Variants in TRIM33 observed in about 807,000 individuals in gnomAD.
TRIM33 encodes tripartite motif containing 33.
Under a neutral mutation model 125.4 loss-of-function variants are expected in TRIM33, and 20 were observed. That is an observed-to-expected ratio of 0.16 (90% CI 0.11 to 0.23). The LOEUF (loss-of-function observed/expected upper bound fraction) is 0.23, where lower values mean the gene tolerates loss of function less well. Among genes scored for constraint, TRIM33 ranks in the 10% least tolerant of loss-of-function variants. TRIM33 has a pLI of 1.00. For synonymous variants in TRIM33, 564 were observed against 513.9 expected (o/e 1.10, Z -1.32); for missense variants, 920 against 1,411.4 (o/e 0.65, Z 5.58).
In TRIM33 at chr1:114,449,130, G is replaced by A. The variant is rs183246344; in HGVS notation, c.923+13974C>T. 1.6e-4 allele frequency among the ~76,000 whole-genome samples: 24 copies of A among 151,836 alleles called. No individual in the cohort carries two copies. In the East Asian group the frequency reaches 1.9e-3, roughly 12 times the overall value. ...GGGTGATGACATGAAATTAAAATCCGGATATTTCAGGGAGTAAAGAGAAAG... is the reference window on the plus strand; with the variant it reads ...GGGTGATGACATGAAATTAAAATCCAGATATTTCAGGGAGTAAAGAGAAAG... On this transcript the variant is annotated intron_variant, in intron 4 of 19. Transcript: ENST00000358465.
intron 5 of TRIM33, among the ~76,000 whole-genome samples, chr1:114,432,649 G>A (rs1440135252): frequency 6.6e-6 from 1 of 152,074 alleles, no homozygotes; most frequent in Non-Finnish European, 1.5e-5. Context: ...AGCCGAGCAT[G>A]GTGGTGGGCG....
At chr1:114,449,220 G>A (rs1225586258) in intron 4 of TRIM33, among the ~76,000 whole-genome samples, 1 of 152,052 alleles carries the variant, frequency 6.6e-6, no homozygotes, top group Non-Finnish European at 1.5e-5. Context: ...TACACGAGAT[G>A]TGAAAGAAAA....
At chr1:114,494,123 AT>A (rs71580626) in intron 1 of TRIM33, among the ~76,000 whole-genome samples, 39,879 of 144,702 alleles carry the variant, frequency 0.28, 5,774 homozygotes, top group African/African-American at 0.38. Flanking sequence ...GCACCCCGCC[AT>A]TTTTTTTTTT....
Position 114,394,097 on chromosome 1 carries a change from A to G in TRIM33, c.*3551T>C. ...CACCTTCAGCAGATCATTAACATAG[A>G]TGGTACAGAAATTAAGAATTCATGG... is the stretch of plus-strand genomic sequence containing the variant. On this transcript the variant is annotated 3_prime_UTR_variant, in exon 20 of 20. Coordinates refer to ENST00000358465, the MANE Select transcript of TRIM33 (RefSeq NM_015906.4). The G allele has an allele frequency of 4.4e-6, 1 of 228,208 alleles. No individual in the cohort carries two copies. The highest frequency in any genetic ancestry group is 8.7e-6 in the Non-Finnish European group (1 of 114,642). 14.1% of individuals were successfully genotyped at this position (228,208 alleles called of 1,614,324 possible). A position where few individuals can be genotyped will look rare whatever the true frequency, so the allele number is the denominator to read the frequency against.
chr1:114,421,748 C>T, intron 10 of TRIM33, 112 bp from the exon 11 acceptor site: 3 of 982,164 alleles, frequency 3.1e-6, no homozygotes, highest in Admixed American at 4.8e-5. Context: ...AAGAAGTGGG[C>T]CCTTTCAAAC....
intron 4 of TRIM33, among the ~76,000 whole-genome samples, chr1:114,443,316 A>G (rs772276830): frequency 6.6e-6 from 1 of 152,134 alleles, no homozygotes; most frequent in African/African-American, 2.4e-5. Flanking sequence ...CTCAAGAGGC[A>G]GAAGTTGCAG....
chr1:114,439,242 G>A (rs868421592), intron 4 of TRIM33, among the ~76,000 whole-genome samples: 2 of 152,104 alleles, frequency 1.3e-5, no homozygotes, highest in African/African-American at 2.4e-5. Context: ...GGGAGGCCGA[G>A]GTGGGCAGAT....
intron 18 of TRIM33, among the ~76,000 whole-genome samples, chr1:114,398,462 T>A (rs1449942042): frequency 2.0e-5 from 3 of 152,186 alleles, no homozygotes; most frequent in Admixed American, 2.0e-4. Context: ...GAAAATAATT[T>A]AACTGCACTG....
intron 1 of TRIM33, among the ~76,000 whole-genome samples, chr1:114,505,624 G>A (rs1238830304): frequency 3.3e-5 from 5 of 152,194 alleles, no homozygotes; most frequent in Non-Finnish European, 5.9e-5. Context: ...CTGGAGTGCA[G>A]TGGCGTGATC....
At chr1:114,505,857 T>C (rs547210717) in intron 1 of TRIM33, among the ~76,000 whole-genome samples, 2 of 152,086 alleles carry the variant, frequency 1.3e-5, no homozygotes, top group African/African-American at 4.8e-5. Flanking sequence ...CATGAGCCAC[T>C]GTGCCCAGTC....
At chr1:114,415,912 ACT>A in intron 11 of TRIM33, among the ~76,000 whole-genome samples, 1 of 149,256 alleles carries the variant, frequency 6.7e-6, no homozygotes, top group Non-Finnish European at 1.5e-5. Flanking sequence ...AGACTGCACC[ACT>A]ACACTCCAGC....
At chr1:114,418,092 C>A (rs58747061) in intron 11 of TRIM33, among the ~76,000 whole-genome samples, 1 of 152,184 alleles carries the variant, frequency 6.6e-6, no homozygotes, top group Non-Finnish European at 1.5e-5. Flanking sequence ...TAAATTGACT[C>A]ACAGTTCTGC....
intron 9 of TRIM33, among the ~76,000 whole-genome samples, chr1:114,425,144 T>C (rs549714940): frequency 1.3e-5 from 2 of 152,274 alleles, no homozygotes; most frequent in South Asian, 2.1e-4. Flanking sequence ...GCAGAAACAG[T>C]CTGGTCCTTT....
chr1:114,465,946 G>A (rs1650271023), intron 1 of TRIM33, among the ~76,000 whole-genome samples: 1 of 151,962 alleles, frequency 6.6e-6, no homozygotes, highest in Non-Finnish European at 1.5e-5. Flanking sequence ...AGGAGGGCGA[G>A]ATAGGAGAAT....
chr1:114,431,474 T>A (rs1454039418), intron 5 of TRIM33, among the ~76,000 whole-genome samples: 1 of 152,238 alleles, frequency 6.6e-6, no homozygotes, highest in African/African-American at 2.4e-5. Flanking sequence ...TTTTTAAGAA[T>A]AGCTTTAGAT....
chr1:114,479,618 G>A (rs942329785), intron 1 of TRIM33, among the ~76,000 whole-genome samples: 1 of 152,180 alleles, frequency 6.6e-6, no homozygotes, highest in African/African-American at 2.4e-5. Context: ...AAAATCTAAA[G>A]GAAGTCTGTC....
chr1:114,402,645 G>C, intron 16 of TRIM33, 115 bp downstream of exon 16: 10 of 1,220,034 alleles, frequency 8.2e-6, no homozygotes, highest in Non-Finnish European at 1.0e-5. Context: ...CAGATGACAG[G>C]ATTAAAAATT....
At chr1:114,436,437 A>T (rs1215959825) in intron 4 of TRIM33, among the ~76,000 whole-genome samples, 6 of 149,098 alleles carry the variant, frequency 4.0e-5, no homozygotes, top group Non-Finnish European at 4.5e-5. Context: ...TACTAATAGC[A>T]CAAAAAAGCA....
chr1:114,453,073 C>T lies in TRIM33; in HGVS notation c.923+10031G>A, dbSNP rs929516142. ...GGAGCAGAAAGCGTTAGTTAAGACA[C>T]ACAGAAGTGGATAGGCACAGTGGCT... On this transcript the variant is annotated intron_variant, in intron 4 of 19. Coordinates refer to ENST00000358465, the MANE Select transcript of TRIM33 (RefSeq NM_015906.4). 5.3e-5 allele frequency among the ~76,000 whole-genome samples: 8 copies of T among 152,122 alleles called. No individual in the cohort carries two copies. The South Asian group carries it at 1.7e-3, about 32-fold the overall frequency.
Sources: gnomAD v4.1 joint callset for allele counts (sites outside exome capture counted in the v4.1 genomes callset) on GRCh38, gnomAD v4.1.1 for gene constraint, MANE v1.5 for transcripts, NCBI Gene and HGNC (gene_info 2026-07-23, HGNC 2026-07-21) for gene names.